The following ODF1 variants were observed in gnomAD, a reference collection of about 807,000 sequenced individuals.
ODF1 encodes outer dense fiber of sperm tails 1.
Under a neutral mutation model 24.0 loss-of-function variants are expected in ODF1, and 10 were observed. That is an observed-to-expected ratio of 0.42 (90% CI 0.26 to 0.71). ODF1 has a LOEUF of 0.71. Among genes scored for constraint, ODF1 ranks in the 30% least tolerant of loss-of-function variants. The probability of loss-of-function intolerance (pLI) is 0.28; values close to 1 mark genes in which losing one functional copy is unlikely to be tolerated. For missense variants in ODF1, 282 were observed against 307.9 expected (o/e 0.92, Z 0.63); for synonymous variants, 118 against 121.3 (o/e 0.97, Z 0.18).
chr8:102,555,374 C>T (rs572745063), intron 1 of ODF1, among the ~76,000 whole-genome samples: 10 of 152,114 alleles, frequency 6.6e-5, no homozygotes, highest in Middle Eastern at 3.2e-3. Flanking sequence ...AAGCAGTCCT[C>T]GTGAGCAAAT....
At chr8:102,556,565 G>A (rs1372932724) in intron 1 of ODF1, among the ~76,000 whole-genome samples, 6 of 151,798 alleles carry the variant, frequency 4.0e-5, no homozygotes, top group African/African-American at 7.3e-5. Context: ...CTCCTGCCTC[G>A]GCCTCCTGAG....
rs1363527594 is a variant in ODF1, at chr8:102,559,653, G to A, written c.321-799G>A. Among the ~76,000 whole-genome samples, 2 of 151,618 alleles carry A rather than the reference G, an allele frequency of 1.3e-5. 1 individual carries two copies. The highest frequency in any genetic ancestry group is 2.9e-5 in the Non-Finnish European group (2 of 68,036). ...GACTGCCTTTCTGCTAGTGCTAGCT[G>A]TCCAGAGGCTAGAGTGACTTCCCAG... On this transcript the variant is annotated intron_variant, in intron 1 of 1. Transcript: ENST00000285402.
chr8:102,560,398 T>A, intron 1 of ODF1, 54 bp from the exon 2 acceptor site: 2 of 1,519,756 alleles, frequency 1.3e-6, no homozygotes, highest in Non-Finnish European at 1.8e-6. Flanking sequence ...TCAAGCTGTG[T>A]CTGGATTCTG....
chr8:102,557,893 G>T (rs2131031391), intron 1 of ODF1, among the ~76,000 whole-genome samples: 1 of 152,336 alleles, frequency 6.6e-6, no homozygotes, highest in Middle Eastern at 3.4e-3. Context: ...GGCCTTGGCT[G>T]CTCTGGCTTT....
chr8:102,559,230 G>T (rs930827103), intron 1 of ODF1, among the ~76,000 whole-genome samples: 7 of 151,294 alleles, frequency 4.6e-5, no homozygotes, highest in African/African-American at 1.7e-4. Context: ...CCACATGTTA[G>T]AGCCAAGCTT....
intron 1 of ODF1, among the ~76,000 whole-genome samples, chr8:102,554,710 T>C (rs748328154): frequency 6.6e-6 from 1 of 152,164 alleles, no homozygotes; most frequent in Non-Finnish European, 1.5e-5. Flanking sequence ...CTCAGCACTT[T>C]GGGAGGCTGT....
chr8:102,560,356 A>T, intron 1 of ODF1, 96 bp from the exon 2 acceptor site: 1 of 1,193,482 alleles, frequency 8.4e-7, no homozygotes, highest in East Asian at 2.4e-5. Flanking sequence ...AACTTTGGCT[A>T]TTTCAAAAGC....
Position 102,560,715 on chromosome 8 carries a change from G to C in ODF1, c.584G>C (p.Cys195Ser). 6.2e-7 allele frequency: 1 copy of C among 1,613,998 alleles called. No individual in the cohort carries two copies. The highest frequency in any genetic ancestry group is 8.5e-7 in the Non-Finnish European group (1 of 1,180,006). Reference sequence around the variant, plus strand: ...ACATACTCCTATGGGCTCGGCAGCTGTGTCAAGATCGAGTCTCCTTGCTAC... The same window carrying C: ...ACATACTCCTATGGGCTCGGCAGCTCTGTCAAGATCGAGTCTCCTTGCTAC... ...DVTYSYGLGS[C>S]VKIESPCYPC... The change falls in exon 2 of 2, where the codon TGT becomes TCT. Residue 195 changes from cysteine (C) to serine (S), a missense_variant. Transcript: ENST00000285402.
Position 102,557,643 on chromosome 8 carries a change from G to A in ODF1, c.321-2809G>A, listed in dbSNP as rs188500100. On this transcript the variant is annotated intron_variant, in intron 1 of 1. Coordinates refer to ENST00000285402, the MANE Select transcript of ODF1 (RefSeq NM_024410.4). ...CAGATCCAGCTTCTGTGGAGGTCAA[G>A]AGGGCTTTGCCAAAACCAGCTGTGG... is the stretch of plus-strand genomic sequence containing the variant. 6.0e-4 allele frequency among the ~76,000 whole-genome samples: 91 copies of A among 152,370 alleles called. 1 individual carries two copies. The East Asian group carries it at 0.01, about 17-fold the overall frequency.
intron 1 of ODF1, among the ~76,000 whole-genome samples, chr8:102,557,666 T>G (rs1826127849): frequency 6.6e-6 from 1 of 152,238 alleles, no homozygotes; most frequent in Non-Finnish European, 1.5e-5. Flanking sequence ...AAACCAGCTG[T>G]GGCCATAGCC....
intron 1 of ODF1, among the ~76,000 whole-genome samples, chr8:102,557,915 C>T (rs1426310615): frequency 6.6e-6 from 1 of 152,236 alleles, no homozygotes; most frequent in East Asian, 1.9e-4. Context: ...AGCCTGTAAT[C>T]TATCCAGAGA....
intron 1 of ODF1, 131 bp downstream of exon 1, chr8:102,552,178 G>C: frequency 1.6e-6 from 1 of 634,168 alleles, no homozygotes; most frequent in Non-Finnish European, 2.6e-6. Context: ...TGGTGACTTA[G>C]GAAAGATTTA....
chr8:102,560,205 G>A (rs1357344879), intron 1 of ODF1, among the ~76,000 whole-genome samples: 1 of 151,786 alleles, frequency 6.6e-6, no homozygotes, highest in Non-Finnish European at 1.5e-5. Flanking sequence ...ATTTCAATAC[G>A]AGAGAAGATT....
Position 102,560,573 on chromosome 8 carries a change from G to T in ODF1, c.442G>T (p.Val148Leu), listed in dbSNP as rs755889668. The change falls in exon 2 of 2, where the codon GTA becomes TTA. Residue 148 changes from valine to leucine, a missense_variant. Coordinates refer to ENST00000285402, the MANE Select transcript of ODF1 (RefSeq NM_024410.4). ...QVKVRVKDGKVCVSAERENRY... is the reference protein window; with the variant it reads ...QVKVRVKDGKLCVSAERENRY... The stretch of plus-strand genomic sequence containing the variant: ...CAAAGTTCGAGTGAAGGATGGAAAG[G>T]TATGTGTGTCGGCTGAGCGGGAGAA... 1 of 1,614,238 alleles carries T rather than the reference G, an allele frequency of 6.2e-7. No individual in the cohort carries two copies. The highest frequency in any genetic ancestry group is 8.5e-7 in the Non-Finnish European group (1 of 1,180,050).
chr8:102,553,333 C>T (rs1297084304), intron 1 of ODF1, among the ~76,000 whole-genome samples: 2 of 146,136 alleles, frequency 1.4e-5, no homozygotes, highest in East Asian at 2.0e-4. Flanking sequence ...GCCAAGATTG[C>T]ACCACTACAC....
At chr8:102,560,287 G>T (rs1826162873) in intron 1 of ODF1, among the ~76,000 whole-genome samples, 165 bp from the exon 2 acceptor site, 1 of 147,460 alleles carries the variant, frequency 6.8e-6, no homozygotes, top group South Asian at 2.1e-4. Context: ...CGCATGGGTG[G>T]ACTCACACTT....
intron 1 of ODF1, among the ~76,000 whole-genome samples, chr8:102,554,615 T>C (rs1417216154): frequency 2.6e-5 from 4 of 152,170 alleles, no homozygotes; most frequent in African/African-American, 9.7e-5. Flanking sequence ...TATATGTTAT[T>C]TGATTGATGC....
intron 1 of ODF1, among the ~76,000 whole-genome samples, chr8:102,554,909 G>A (rs999578043): frequency 3.3e-5 from 5 of 152,178 alleles, no homozygotes; most frequent in African/African-American, 4.8e-5. Flanking sequence ...GGTAAGCCAT[G>A]ATTATGCCAC....
chr8:102,554,679 G>A (rs541643261), intron 1 of ODF1, among the ~76,000 whole-genome samples: 33 of 152,320 alleles, frequency 2.2e-4, no homozygotes, highest in Admixed American at 9.8e-4. Context: ...CAAGCTGGGT[G>A]CAGTGGTTCA....
Sources: allele counts gnomAD v4.1 joint callset (sites outside exome capture counted in the v4.1 genomes callset), GRCh38; gene constraint gnomAD v4.1.1; transcripts MANE v1.5; gene names NCBI Gene and HGNC (gene_info 2026-07-23, HGNC 2026-07-21).